CHODL: variants seen among roughly 807,000 people sequenced by gnomAD.
CHODL encodes chondrolectin, also known as transmembrane protein MT75.
A neutral mutation model predicts 34.5 loss-of-function variants in CHODL; 29 were observed. The ratio of observed to expected loss-of-function variants is 0.84; its 90% CI spans 0.63 to 1.15. The LOEUF (loss-of-function observed/expected upper bound fraction) is 1.15. Ranked by LOEUF, CHODL falls within the 50% of genes most tolerant of loss-of-function variation. CHODL has a pLI of 0.00. For missense variants in CHODL, 332 were observed against 332.5 expected, an observed-to-expected ratio of 1.00 and a Z score of 0.01; for synonymous variants, 125 against 116.1, an observed-to-expected ratio of 1.08 and a Z score of -0.49.
chr21:18,124,971 A>C (rs555737910), intron 2 of CHODL, among the ~76,000 whole-genome samples: 29 of 152,338 alleles, frequency 1.9e-4, no homozygotes, highest in African/African-American at 6.7e-4. Context: ...GGAGTCTACC[A>C]ATCTGTCTAA....
chr21:18,138,860 C>A (rs1220432963), intron 2 of CHODL, among the ~76,000 whole-genome samples: 1 of 152,006 alleles, frequency 6.6e-6, no homozygotes, highest in African/African-American at 2.4e-5. Context: ...TGCTCTCAGC[C>A]AAGACTTAGG....
intron 1 of CHODL, among the ~76,000 whole-genome samples, chr21:18,027,324 T>C (rs1461402712): frequency 3.3e-5 from 5 of 152,158 alleles, no homozygotes; most frequent in Non-Finnish European, 7.3e-5. Context: ...AAATAACATG[T>C]CCTTTCATTA....
intron 2 of CHODL, among the ~76,000 whole-genome samples, chr21:18,145,532 G>GT (rs199549284): frequency 0.016 from 2,453 of 150,758 alleles, 71 homozygotes; most frequent in African/African-American, 0.057. Flanking sequence ...TTAAAAAGTT[G>GT]TTTTTTCTGA....
intron 1 of CHODL, among the ~76,000 whole-genome samples, chr21:18,251,589 T>A (rs1325327518): frequency 2.7e-3 from 8 of 2,910 alleles, no homozygotes; most frequent in African/African-American, 5.4e-3. Flanking sequence ...TATAAAATAT[T>A]TATTTTATTT....
chr21:18,255,131 G>T (rs2074300849), intron 1 of CHODL, among the ~76,000 whole-genome samples: 1 of 152,064 alleles, frequency 6.6e-6, no homozygotes, highest in East Asian at 1.9e-4. Context: ...TAAGATACAG[G>T]TTTAAGATAA....
intron 4 of CHODL, 76 bp downstream of exon 4, chr21:18,260,362 T>G: frequency 1.1e-6 from 1 of 922,188 alleles, no homozygotes; most frequent in Non-Finnish European, 1.7e-6. Flanking sequence ...TTGACCCCAG[T>G]GAAACTTGTC....
At chr21:18,230,579 T>G (rs1225689788) in intron 2 of CHODL, among the ~76,000 whole-genome samples, 1 of 152,106 alleles carries the variant, frequency 6.6e-6, no homozygotes, top group Non-Finnish European at 1.5e-5. Flanking sequence ...TTTCATAATT[T>G]TTTATGGAAT....
chr21:18,084,919 T>TTGTG (rs2064985638), intron 2 of CHODL, among the ~76,000 whole-genome samples: 1 of 128,212 alleles, frequency 7.8e-6, no homozygotes, highest in African/African-American at 3.9e-5. Context: ...GGTCTAGTAA[T>TTGTG]AGTGTGTGTG....
intron 2 of CHODL, among the ~76,000 whole-genome samples, chr21:18,135,898 G>A (rs2072716495): frequency 6.6e-6 from 1 of 152,098 alleles, no homozygotes; most frequent in South Asian, 2.1e-4. Context: ...CATGAGGTCA[G>A]GAGATCAAGA....
intron 1 of CHODL, among the ~76,000 whole-genome samples, chr21:18,003,121 C>CAA (rs372188101): frequency 9.3e-4 from 70 of 75,666 alleles, no homozygotes; most frequent in African/African-American, 2.8e-3. Flanking sequence ...GACTCCGTCT[C>CAA]AAAAAAAAAA....
At chr21:18,075,392 C>T (rs1427524035) in intron 2 of CHODL, among the ~76,000 whole-genome samples, 2 of 152,096 alleles carry the variant, frequency 1.3e-5, no homozygotes, top group African/African-American at 4.8e-5. Context: ...AAAATAAATT[C>T]CAAGACATCT....
chr21:18,162,421 C>CTCTCTA (rs1206050110), intron 2 of CHODL, among the ~76,000 whole-genome samples: 4 of 151,564 alleles, frequency 2.6e-5, no homozygotes, highest in Admixed American at 6.6e-5. Context: ...TTCTCTCTCT[C>CTCTCTA]TCTCTCTCTC....
chr21:18,107,662 A>G (rs1028078576), intron 2 of CHODL, among the ~76,000 whole-genome samples: 2 of 152,206 alleles, frequency 1.3e-5, no homozygotes, highest in Non-Finnish European at 2.9e-5. Context: ...TGTGTGGGAA[A>G]TGAAGTTTCC....
chr21:18,219,443 G>T (rs1233283847), intron 2 of CHODL, among the ~76,000 whole-genome samples: 1 of 152,024 alleles, frequency 6.6e-6, no homozygotes, highest in Non-Finnish European at 1.5e-5. Context: ...TGGATATTAT[G>T]GGAACTACAA....
chr21:18,249,677 G>A (rs920752647), intron 1 of CHODL, among the ~76,000 whole-genome samples: 3 of 152,126 alleles, frequency 2.0e-5, no homozygotes, highest in Admixed American at 6.6e-5. Flanking sequence ...TATGGAGACA[G>A]CATAGAAACC....
chr21:18,189,678 C>T (rs920532458), intron 2 of CHODL, among the ~76,000 whole-genome samples: 5 of 144,010 alleles, frequency 3.5e-5, no homozygotes, highest in East Asian at 2.1e-4. Flanking sequence ...TCTGTCACCT[C>T]GGCTGGAGTG....
intron 2 of CHODL, among the ~76,000 whole-genome samples, chr21:18,198,263 G>T (rs922607890): frequency 1.3e-5 from 2 of 151,998 alleles, no homozygotes; most frequent in Admixed American, 6.6e-5. Context: ...TGATAAAATG[G>T]GAAATCAACA....
chr21:17,954,022 TTAAA>T (rs2063479137), intron 1 of CHODL, among the ~76,000 whole-genome samples: 1 of 151,974 alleles, frequency 6.6e-6, no homozygotes, highest in South Asian at 2.1e-4. Context: ...AAAAATTTTT[TTAAA>T]TAAATAAATG....
chr21:18,157,473 C>T (rs745671694), intron 2 of CHODL, among the ~76,000 whole-genome samples: 13 of 152,166 alleles, frequency 8.5e-5, no homozygotes, highest in Admixed American at 5.9e-4. Flanking sequence ...TTAGTTCACT[C>T]GTAACATTAT....
Sources: allele counts gnomAD v4.1 joint callset (sites outside exome capture counted in the v4.1 genomes callset), GRCh38; gene constraint gnomAD v4.1.1; transcripts MANE v1.5; gene names NCBI Gene and HGNC (gene_info 2026-07-23, HGNC 2026-07-21).